Variants in LYST observed in about 807,000 individuals in gnomAD.
LYST encodes lysosomal-trafficking regulator.
A neutral mutation model predicts 413.6 loss-of-function variants in LYST; 192 were observed. The ratio of observed to expected loss-of-function variants is 0.46; its 90% CI spans 0.41 to 0.52. The LOEUF (loss-of-function observed/expected upper bound fraction) is 0.52, where lower values mean the gene tolerates loss of function less well. LYST is among the 20% of genes least tolerant of loss of function. The pLI, the probability that LYST is intolerant of heterozygous loss-of-function variation, is 0.00. For synonymous variants in LYST, 1,525 were observed against 1,567.3 expected, an observed-to-expected ratio of 0.97 and a Z score of 0.64; for missense variants, 3,815 against 4,499.9, an observed-to-expected ratio of 0.85 and a Z score of 4.35.
intron 29 of LYST, 96 bp downstream of exon 29, chr1:235,746,240 G>T: frequency 1.0e-6 from 1 of 988,182 alleles, no homozygotes; most frequent in Non-Finnish European, 1.6e-6. Flanking sequence ...GAAAAATAAT[G>T]CTGCTTAAAC....
chr1:235,857,536 A>G (rs12091290), intron 1 of LYST, among the ~76,000 whole-genome samples: 76,929 of 151,742 alleles, frequency 0.51, 22,937 homozygotes, highest in African/African-American at 0.83. Flanking sequence ...AGAAAGAGAA[A>G]TGAGGAGGAG....
chr1:235,703,136 A>G (rs1661681532), intron 44 of LYST, among the ~76,000 whole-genome samples, 159 bp from the exon 45 acceptor site: 1 of 152,224 alleles, frequency 6.6e-6, no homozygotes, highest in Non-Finnish European at 1.5e-5. Flanking sequence ...CTGAGATCAG[A>G]AGTATCAATG....
chr1:235,695,629 A>ATTTTTTTTTTTTTTTTTTTTTTTTTTT (rs148101450), intron 46 of LYST, among the ~76,000 whole-genome samples: 1 of 116,418 alleles, frequency 8.6e-6, no homozygotes, highest in African/African-American at 3.4e-5. Flanking sequence ...CAGTACTCTA[A>ATTTTTTTTTTTTTTTTTTTTTTTTTTT]TTTTTTTTTT....
At position 235,806,566 on chromosome 1, in the gene LYST, G is replaced by C. The variant is rs144261004; in HGVS notation, c.2570C>G (p.Ser857Cys). 1.7e-5 allele frequency: 28 copies of C among 1,613,920 alleles called. No homozygotes were observed. Among genetic ancestry groups the C allele is most frequent in the Non-Finnish European group, 2.1e-5 (25 of 1,179,950 alleles). The change falls in exon 6 of 53, where the codon TCT (serine) becomes TGT (cysteine). Residue 857 changes from serine to cysteine, a missense_variant. Around this residue, in one of 4 missense-constraint regions of LYST, gnomAD observed 1,648 missense variants for 1,810.3 expected, o/e 0.91. Coordinates refer to ENST00000389793, the MANE Select transcript of LYST (RefSeq NM_000081.4). ...KELSSVHVGT[S>C]FHHQQAYSDS... ...TGAATAAGCTTGCTGATGATGAAAA[G>C]AAGTACCCACATGTACAGAGGACAA...
chr1:235,806,586 G>A lies in LYST; in HGVS notation c.2550C>T (p.Ser850=). 1.2e-6 allele frequency: 2 copies of A among 1,613,776 alleles called. No homozygotes were observed. The highest frequency in any genetic ancestry group is 2.2e-5 in the East Asian group (1 of 44,860). The part of the protein sequence containing the change: ...DGIDIEQKEL[S]SVHVGTSFHH... ...GAAAAGAAGTACCCACATGTACAGAGGACAACTCCTTCTGTTCAATGTCTA... is the reference window on the plus strand; with the variant it reads ...GAAAAGAAGTACCCACATGTACAGAAGACAACTCCTTCTGTTCAATGTCTA... Residue 850 remains serine (S), a synonymous_variant, in exon 6 of 53, where the codon TCC becomes TCT. Coordinates refer to ENST00000389793, the MANE Select transcript of LYST (RefSeq NM_000081.4).
intron 19 of LYST, among the ~76,000 whole-genome samples, chr1:235,773,303 G>A (rs1389764498): frequency 6.6e-6 from 1 of 150,380 alleles, no homozygotes; most frequent in Non-Finnish European, 1.5e-5. Flanking sequence ...GGGCAAAAGA[G>A]TAAAACTCCA....
At chr1:235,769,581 C>T (rs530991669) in intron 20 of LYST, among the ~76,000 whole-genome samples, 1 of 151,704 alleles carries the variant, frequency 6.6e-6, no homozygotes, top group South Asian at 2.1e-4. Flanking sequence ...TCTAATATAC[C>T]AACCAAGCAG....
chr1:235,732,343 C>T (rs919617441), intron 34 of LYST, among the ~76,000 whole-genome samples: 3 of 151,918 alleles, frequency 2.0e-5, no homozygotes, highest in African/African-American at 7.3e-5. Context: ...CATTCTGTTG[C>T]CCAGGCCAGA....
At chr1:235,720,625 G>T in intron 40 of LYST, 36 bp downstream of exon 40, 1 of 1,604,346 alleles carries the variant, frequency 6.2e-7, no homozygotes, top group Non-Finnish European at 8.5e-7. Context: ...ACATATGGAT[G>T]GATGAACCCT....
chr1:235,668,503 C>T (rs1658682788), intron 50 of LYST, among the ~76,000 whole-genome samples: 1 of 152,114 alleles, frequency 6.6e-6, no homozygotes, highest in Non-Finnish European at 1.5e-5. Context: ...TTACCCATTA[C>T]TCTATTATAT....
rs576185139 is a variant in LYST at position 235,842,982 on chromosome 1, T to C, written c.-97-9315A>G. On this transcript the variant is annotated intron_variant, in intron 1 of 52. Transcript: ENST00000389793. The stretch of plus-strand genomic sequence containing the variant: ...CCCCTCACAGCAAGTCATGACCACA[T>C]ATATTCTTCACTTTTAGGGCAGCTC... Among the ~76,000 whole-genome samples the C allele has an allele frequency of 2.6e-5, 4 of 152,276 alleles. No individual in the cohort carries two copies. The East Asian group carries it at 7.7e-4, about 29-fold the overall frequency.
chr1:235,785,474 C>G (rs1319855069), intron 14 of LYST, among the ~76,000 whole-genome samples: 3 of 152,004 alleles, frequency 2.0e-5, no homozygotes, highest in Non-Finnish European at 4.4e-5. Flanking sequence ...AATGAATGAA[C>G]AAATGAATGA....
Position 235,738,047 on chromosome 1 carries a change from A to C in LYST, c.8358+3375T>G, listed in dbSNP as rs958735470. 9 of 1,577,290 alleles carry C rather than the reference A, an allele frequency of 5.7e-6. No individual in the cohort carries two copies. In the African/African-American group the frequency reaches 9.4e-5, roughly 17 times the overall value. Reference sequence around the variant, plus strand: ...TTATTCACAGTCTTCTAAAGGAAGAACAGATCCTCCAGAATAAGATTACAG... The same window carrying C: ...TTATTCACAGTCTTCTAAAGGAAGACCAGATCCTCCAGAATAAGATTACAG... On this transcript the variant is annotated intron_variant, in intron 31 of 52. Transcript: ENST00000389793.
upstream of LYST, among the ~76,000 whole-genome samples, chr1:235,869,428 C>T (rs933279865): frequency 1.3e-5 from 2 of 151,912 alleles, no homozygotes; most frequent in Non-Finnish European, 2.9e-5. Flanking sequence ...GCTGAGATAG[C>T]GCCACTACAG....
At chr1:235,792,474 C>T (rs1411463529) in intron 11 of LYST, among the ~76,000 whole-genome samples, 2 of 151,794 alleles carry the variant, frequency 1.3e-5, no homozygotes, top group African/African-American at 4.8e-5. Context: ...ACCACCACCC[C>T]CAGCTAATTT....
intron 50 of LYST, among the ~76,000 whole-genome samples, chr1:235,670,769 GA>G (rs1033254366): frequency 2.0e-5 from 3 of 152,192 alleles, no homozygotes; most frequent in African/African-American, 7.2e-5. Context: ...TAAAGTAAAG[GA>G]GTGCAAGAAA....
chr1:235,712,396 G>A lies in LYST; in HGVS notation c.9785-199C>T, dbSNP rs1366390013. The A allele has an allele frequency of 1.1e-4, 54 of 484,790 alleles. No homozygotes were observed. The South Asian group carries it at 1.6e-3, about 14-fold the overall frequency. 30.0% of individuals were successfully genotyped at this position (484,790 alleles called of 1,614,324 possible). A position where few individuals can be genotyped will look rare whatever the true frequency, so the allele number is the denominator to read the frequency against. On this transcript the variant is annotated intron_variant, in intron 42 of 52. Coordinates refer to ENST00000389793, the MANE Select transcript of LYST (RefSeq NM_000081.4). ...TGAGATCATATTACATTTTTCATCT[G>A]TATTATGCTTTTGTAATATATATTA...
intron 42 of LYST, among the ~76,000 whole-genome samples, chr1:235,713,714 T>G (rs1389446604): frequency 6.6e-6 from 1 of 152,188 alleles, no homozygotes; most frequent in Non-Finnish European, 1.5e-5. Flanking sequence ...AAACGAATTA[T>G]GCAGCTCGAA....
chr1:235,726,248 C>T (rs895252905), intron 38 of LYST, among the ~76,000 whole-genome samples: 2 of 151,884 alleles, frequency 1.3e-5, no homozygotes, highest in Non-Finnish European at 2.9e-5. Flanking sequence ...CTTTCCAAAA[C>T]CTTAATTTTT....
Sources: gnomAD v4.1 joint callset for allele counts (sites outside exome capture counted in the v4.1 genomes callset) on GRCh38, gnomAD v4.1.1 for gene constraint, gnomAD v4.1.1 regional missense constraint, MANE v1.5 for transcripts, NCBI Gene and HGNC (gene_info 2026-07-23, HGNC 2026-07-21) for gene names.